The following GATB variants were observed in gnomAD, a reference collection of about 807,000 sequenced individuals.
The protein encoded by GATB is glutamyl-tRNA(Gln) amidotransferase subunit B, mitochondrial.
GATB carries 39 observed loss-of-function variants against 62.3 expected under a neutral mutation model. The observed-to-expected ratio is 0.63, with a 90% confidence interval of 0.48 to 0.82. The LOEUF (loss-of-function observed/expected upper bound fraction) is 0.82, where lower values mean the gene tolerates loss of function less well. GATB is among the 40% of genes least tolerant of loss of function. The pLI is 0.00. For synonymous variants in GATB, 276 were observed against 258.9 expected (o/e 1.07, Z -0.63); for missense variants, 670 against 684.0 (o/e 0.98, Z 0.23).
At chr4:151,716,801 T>A in intron 4 of GATB, 75 bp downstream of exon 4, 1 of 1,360,368 alleles carries the variant, frequency 7.4e-7, no homozygotes, top group Middle Eastern at 1.8e-4. Flanking sequence ...AAGAAAACTC[T>A]AGCGGTGAAA....
At position 151,717,003 on chromosome 4, in the gene GATB, T is replaced by C. The variant is rs1214018479; in HGVS notation, c.513A>G (p.Ala171=). ...GGATCACCTGACTCTGCTTCTTCCC[T>C]GCACAGACGCCATATATCAAGCTCC... ...VNGSLIYGVC[A]GKKQSQVIPK... Residue 171 remains alanine (A), a synonymous_variant, in exon 4 of 13, where the codon GCA becomes GCG. Coordinates refer to ENST00000263985, the MANE Select transcript of GATB (RefSeq NM_004564.3). 1.9e-6 allele frequency: 3 copies of C among 1,614,166 alleles called. No individual in the cohort carries two copies. The highest frequency in any genetic ancestry group is 8.5e-7 in the Non-Finnish European group (1 of 1,180,014).
In GATB at chr4:151,737,310, G is replaced by A. The variant is rs1560862266; in HGVS notation, c.328-17772C>T. On this transcript the variant is annotated intron_variant, in intron 2 of 12. Coordinates refer to ENST00000263985, the MANE Select transcript of GATB (RefSeq NM_004564.3). ...CGTGTTATGTTTTAGCAAAGAGACT[G>A]GTGGCACTTTGCCCCTGCCCTGGAG... Among the ~76,000 whole-genome samples the A allele has an allele frequency of 2.0e-5, 3 of 152,314 alleles. No individual in the cohort carries two copies. The South Asian group carries it at 6.2e-4, about 32-fold the overall frequency.
intron 2 of GATB, among the ~76,000 whole-genome samples, chr4:151,727,731 C>T (rs1342659914): frequency 6.6e-6 from 1 of 152,156 alleles, no homozygotes; most frequent in African/African-American, 2.4e-5. Context: ...CCTCACTTTC[C>T]TTATCTGTTT....
chr4:151,692,463 G>C (rs1256857405), intron 9 of GATB, among the ~76,000 whole-genome samples: 1 of 152,214 alleles, frequency 6.6e-6, no homozygotes, highest in Non-Finnish European at 1.5e-5. Flanking sequence ...TAAAAATGTT[G>C]CAAGGAAATT....
intron 9 of GATB, among the ~76,000 whole-genome samples, chr4:151,689,365 C>T (rs1376864385): frequency 6.6e-6 from 1 of 152,160 alleles, no homozygotes; most frequent in African/African-American, 2.4e-5. Context: ...ATGTGACCCA[C>T]TTAGGCCACT....
Position 151,701,395 on chromosome 4 carries a change from G to A in GATB, c.1131C>T (p.Pro377=), listed in dbSNP as rs201403187. Reference sequence around the variant, plus strand: ...GGACAAGCTTCTCTCGGGTCACACTGGGGAGCTCCGGGAGTGTCTCCCGAA... The same window carrying A: ...GGACAAGCTTCTCTCGGGTCACACTAGGGAGCTCCGGGAGTGTCTCCCGAA... ...DQIRETLPEL[P]SVTREKLVQQ... The change falls in exon 9 of 13, where the codon CCC becomes CCT. Residue 377 remains proline, a synonymous_variant. Coordinates refer to ENST00000263985, the MANE Select transcript of GATB (RefSeq NM_004564.3). 1 of 1,603,914 alleles carries A rather than the reference G, an allele frequency of 6.2e-7. No homozygotes were observed. Among genetic ancestry groups the A allele is most frequent in the East Asian group, 2.3e-5 (1 of 44,080 alleles).
At chr4:151,760,777 A>C (rs1319618287) in intron 1 of GATB, 30 bp downstream of exon 1, 1 of 1,541,876 alleles carries the variant, frequency 6.5e-7, no homozygotes, top group Admixed American at 1.9e-5. Flanking sequence ...CCTCACAGTT[A>C]GGTGGGCAGA....
At position 151,725,790 on chromosome 4, in the gene GATB, G is replaced by A. The variant is rs536795296; in HGVS notation, c.328-6252C>T. 4.6e-5 allele frequency among the ~76,000 whole-genome samples: 7 copies of A among 152,316 alleles called. No homozygotes were observed. In the South Asian group the frequency reaches 1.4e-3, roughly 32 times the overall value. ...AGCCAGTCTCTAGGATCTATACTGA[G>A]AAATATCTTGTTATGTACTTCAAAG... On this transcript the variant is annotated intron_variant, in intron 2 of 12. Transcript: ENST00000263985.
chr4:151,717,041 T>C lies in GATB; in HGVS notation c.475A>G (p.Ile159Val), dbSNP rs767986897. 21 of 1,614,016 alleles carry C rather than the reference T, an allele frequency of 1.3e-5. No individual in the cohort carries two copies. Among genetic ancestry groups the C allele is most frequent in the East Asian group, 1.1e-4 (5 of 44,882 alleles). The change falls in exon 4 of 13, where the codon ATT becomes GTT. Residue 159 changes from isoleucine (I) to valine (V), a missense_variant. By Grantham distance (29) the Ile-to-Val change is conservative (BLOSUM62 3). Coordinates refer to ENST00000263985, the MANE Select transcript of GATB (RefSeq NM_004564.3). ...TATATCAAGCTCCCATTCACAGCAA[T>C]TGGGAGCCTCTGCTGGGTAATTTGG... The part of the protein sequence containing the change: ...GYQITQQRLP[I>V]AVNGSLIYGV...
chr4:151,715,869 A>C, intron 5 of GATB, 140 bp downstream of exon 5: 1 of 1,001,338 alleles, frequency 1.0e-6, no homozygotes, highest in South Asian at 2.1e-5. Flanking sequence ...AACAACAAAA[A>C]AACAGGGTTG....
chr4:151,688,213 G>A (rs1411483562), intron 10 of GATB, among the ~76,000 whole-genome samples: 1 of 152,080 alleles, frequency 6.6e-6, no homozygotes, highest in African/African-American at 2.4e-5. Flanking sequence ...TGGCTCAAAC[G>A]TCCCCTCCCG....
chr4:151,674,509 CAA>C (rs1294582486), intron 11 of GATB: 4 of 152,148 alleles, frequency 2.6e-5, no homozygotes, highest in African/African-American at 9.7e-5. Flanking sequence ...CAGGAGAGAT[CAA>C]AAGAGATCAC....
rs56231389 is a variant in GATB at position 151,697,953 on chromosome 4, GTATATATATATATATATA to G, written c.1197+3358_1197+3375del. 3.6e-3 allele frequency among the ~76,000 whole-genome samples: 146 copies of G among 40,608 alleles called. 7 individuals are homozygous for G. Among genetic ancestry groups the G allele is most frequent in the East Asian group, 0.011 (13 of 1,132 alleles). 26.6% of individuals were successfully genotyped at this position (40,608 alleles called of 152,430 possible). A position where few individuals can be genotyped will look rare whatever the true frequency, so the allele number is the denominator to read the frequency against. ...TTCATATATATGTGTGTGTGTGTGT[GTATATATATATATATATA>G]TATATATATATATATATATATATGA... On this transcript the variant is annotated intron_variant, in intron 9 of 12. Coordinates refer to ENST00000263985, the MANE Select transcript of GATB (RefSeq NM_004564.3).
intron 5 of GATB, among the ~76,000 whole-genome samples, chr4:151,712,728 T>C (rs1251574176): frequency 6.6e-6 from 1 of 152,234 alleles, no homozygotes; most frequent in African/African-American, 2.4e-5. Context: ...GTATTACTAC[T>C]TATTACTGTT....
At chr4:151,735,885 G>A (rs924911894) in intron 2 of GATB, among the ~76,000 whole-genome samples, 8 of 151,430 alleles carry the variant, frequency 5.3e-5, no homozygotes, top group African/African-American at 1.9e-4. Context: ...AGTGGGAAGG[G>A]GGCAAGGGAT....
intron 2 of GATB, among the ~76,000 whole-genome samples, chr4:151,746,097 C>A (rs1229175395): frequency 6.6e-6 from 1 of 152,208 alleles, no homozygotes; most frequent in Non-Finnish European, 1.5e-5. Flanking sequence ...GCATTCCTAC[C>A]AGCCAGCTAC....
chr4:151,715,919 A>G, intron 5 of GATB, 90 bp downstream of exon 5: 1 of 1,456,622 alleles, frequency 6.9e-7, no homozygotes. Context: ...CAACCTCAAT[A>G]TAATAGACAG....
intron 9 of GATB, among the ~76,000 whole-genome samples, chr4:151,699,380 C>G (rs954036610): frequency 2.1e-5 from 3 of 145,948 alleles, no homozygotes; most frequent in South Asian, 4.4e-4. Context: ...GAGTTGAGAC[C>G]CTGTCTCAAA....
chr4:151,702,630 A>G (rs1474876919), intron 8 of GATB, among the ~76,000 whole-genome samples: 4 of 152,194 alleles, frequency 2.6e-5, no homozygotes, highest in African/African-American at 9.7e-5. Context: ...TGGACGTTCC[A>G]TTCAATTTTA....
Sources: gnomAD v4.1 joint callset for allele counts (sites outside exome capture counted in the v4.1 genomes callset) on GRCh38, gnomAD v4.1.1 for gene constraint, MANE v1.5 for transcripts, NCBI Gene and HGNC (gene_info 2026-07-23, HGNC 2026-07-21) for gene names.